The following THOC2 variants were observed in gnomAD, a reference collection of about 807,000 sequenced individuals.
THOC2 encodes THO complex 2.
Under a neutral mutation model 128.4 loss-of-function variants are expected in THOC2, and 10 were observed. The observed-to-expected ratio is 0.08, with a 90% CI of 0.05 to 0.13. The LOEUF (loss-of-function observed/expected upper bound fraction) is 0.13. Ranked by LOEUF, THOC2 falls within the 10% of genes least tolerant of loss-of-function variation. The pLI is 1.00. For synonymous variants in THOC2, 393 were observed against 396.9 expected, an observed-to-expected ratio of 0.99 and a Z score of 0.12; for missense variants, 535 against 1,155.7, an observed-to-expected ratio of 0.46 and a Z score of 7.79.
intron 12 of THOC2, among the ~76,000 whole-genome samples, chrX:123,658,872 G>C (rs1294402552): frequency 8.9e-6 from 1 of 111,927 alleles, no homozygotes; most frequent in Non-Finnish European, 1.9e-5. Flanking sequence ...ACTCTGGTGG[G>C]AGATGTTGAT....
intron 2 of THOC2, among the ~76,000 whole-genome samples, chrX:123,712,259 T>C (rs1018001452): frequency 2.7e-5 from 3 of 111,814 alleles, no homozygotes; most frequent in African/African-American, 9.7e-5. Flanking sequence ...CTTTGCCAAA[T>C]CCACATGTCT....
At chrX:123,680,827 T>C (rs1461594493) in intron 8 of THOC2, among the ~76,000 whole-genome samples, 1 of 111,974 alleles carries the variant, frequency 8.9e-6, no homozygotes, top group East Asian at 2.8e-4. Flanking sequence ...CTCTACTTTC[T>C]CACATCCTGT....
In THOC2 at chrX:123,621,252, T is replaced by C. The variant is rs1329820682; in HGVS notation, c.4121A>G (p.Lys1374Arg). The change falls in exon 31 of 39, where the codon AAA becomes AGA. Residue 1374 changes from lysine to arginine, a missense_variant. Lys to Arg is a conservative substitution (Grantham distance 26). This residue lies in a region of THOC2 where 116 missense variants were observed against 180.0 expected (regional missense o/e 0.64). Transcript: ENST00000245838. ...SRERDIAKEMKSKENVKGGEK... is the reference protein window; with the variant it reads ...SRERDIAKEMRSKENVKGGEK... ...TCCTCCTTTAACATTTTCCTTTGAT[T>C]TCATTTCCTTTGCTATATCTCTTTC... The C allele has an allele frequency of 8.3e-7, 1 of 1,209,425 alleles. No individual in the cohort carries two copies. The highest frequency in any genetic ancestry group is 1.1e-6 in the Non-Finnish European group (1 of 895,077).
intron 9 of THOC2, among the ~76,000 whole-genome samples, chrX:123,668,628 T>C (rs1014530239): frequency 1.3e-4 from 15 of 111,995 alleles, no homozygotes; most frequent in East Asian, 2.8e-4. Context: ...AGAAAATATA[T>C]AGCAGTTCCA....
intron 19 of THOC2, among the ~76,000 whole-genome samples, chrX:123,635,727 G>C (rs1334845792): frequency 9.0e-6 from 1 of 111,690 alleles, no homozygotes; most frequent in African/African-American, 3.3e-5. Context: ...ATGTGACACA[G>C]GTCAATTACT....
chrX:123,662,587 CAAAAAAAAAAA>C (rs777761030), intron 12 of THOC2, among the ~76,000 whole-genome samples: 2 of 47,460 alleles, frequency 4.2e-5, no homozygotes, highest in Non-Finnish European at 7.8e-5. Flanking sequence ...GACTCCGTCT[CAAAAAAAAAAA>C]AAAAAAAAAA....
chrX:123,663,352 T>C (rs985865656), intron 12 of THOC2, among the ~76,000 whole-genome samples: 1 of 111,433 alleles, frequency 9.0e-6, no homozygotes, highest in Non-Finnish European at 1.9e-5. Flanking sequence ...ATTTATTAAA[T>C]AAGATGTAGA....
At chrX:123,613,756 G>A (rs1475823694) in intron 34 of THOC2, 48 bp from the exon 35 acceptor site, 2 of 1,117,106 alleles carry the variant, frequency 1.8e-6, no homozygotes, top group Non-Finnish European at 2.5e-6. Context: ...TTCTGTTTTT[G>A]TTTTAAAGTA....
intron 1 of THOC2, among the ~76,000 whole-genome samples, chrX:123,721,195 CAG>C (rs1418923265): frequency 9.2e-6 from 1 of 109,032 alleles, no homozygotes; most frequent in Non-Finnish European, 1.9e-5. Context: ...TGTTTTGAGA[CAG>C]AGTCTTGCTC....
At position 123,638,463 on chromosome X, in the gene THOC2, A is replaced by G. The variant is rs957861225; in HGVS notation, c.1841-340T>C. Among the ~76,000 whole-genome samples the G allele has an allele frequency of 5.4e-5, 6 of 111,051 alleles. No individual in the cohort carries two copies. The South Asian group carries it at 2.3e-3, about 42-fold the overall frequency. On this transcript the variant is annotated intron_variant, in intron 17 of 38. Coordinates refer to ENST00000245838, the MANE Select transcript of THOC2 (RefSeq NM_001081550.2). ...CACTTGAGGTCAGGAATTCAAGATC[A>G]CCCTGGCCAACCTAGTGAAATCCCA...
At chrX:123,652,460 G>A (rs1473835816) in intron 12 of THOC2, among the ~76,000 whole-genome samples, 1 of 111,539 alleles carries the variant, frequency 9.0e-6, no homozygotes, top group African/African-American at 3.3e-5. Flanking sequence ...AGAAATAAAG[G>A]GTACTGAAAT....
chrX:123,720,212 G>A (rs922697722), intron 1 of THOC2, among the ~76,000 whole-genome samples: 1 of 110,497 alleles, frequency 9.1e-6, no homozygotes. Context: ...TTTGGAGGCC[G>A]AGGCATGAGA....
chrX:123,731,038 C>G (rs770301545), intron 1 of THOC2, among the ~76,000 whole-genome samples: 1 of 112,604 alleles, frequency 8.9e-6, no homozygotes, highest in South Asian at 3.7e-4. Context: ...AATAAATGAG[C>G]TGGCTTTGAA....
At chrX:123,620,517 C>T (rs57163608) in intron 32 of THOC2, 227 of 124,020 alleles carry the variant, frequency 1.8e-3, no homozygotes, top group African/African-American at 6.8e-3. Context: ...TATCTTGTGT[C>T]ATCCAGGAAG....
At chrX:123,677,871 CAAAAA>C (rs1179685021) in intron 8 of THOC2, among the ~76,000 whole-genome samples, 1 of 29,412 alleles carries the variant, frequency 3.4e-5, no homozygotes. Context: ...AACTCCGTCG[CAAAAA>C]AAAAAAAAAA....
chrX:123,610,398 A>G (rs1256425824), intron 38 of THOC2: 2 of 111,810 alleles, frequency 1.8e-5, no homozygotes, highest in Non-Finnish European at 3.8e-5. Flanking sequence ...TGGTAAAAAA[A>G]AAAAAAATGG....
intron 38 of THOC2, among the ~76,000 whole-genome samples, chrX:123,605,992 G>A (rs2046453798): frequency 9.0e-6 from 1 of 111,550 alleles, no homozygotes; most frequent in Non-Finnish European, 1.9e-5. Context: ...AAGTCTAGCT[G>A]AAATCAGGAC....
chrX:123,701,975 A>G (rs1362166508), intron 4 of THOC2, among the ~76,000 whole-genome samples: 1 of 112,180 alleles, frequency 8.9e-6, no homozygotes, highest in Non-Finnish European at 1.9e-5. Flanking sequence ...AACTTAGGAA[A>G]TCTGAAACTT....
At chrX:123,693,178 G>A (rs144674597) in intron 7 of THOC2, among the ~76,000 whole-genome samples, 146 of 112,480 alleles carry the variant, frequency 1.3e-3, no homozygotes, top group African/African-American at 4.6e-3. Context: ...TTTCATTCAG[G>A]CCGTGTCCGG....
Sources: allele counts gnomAD v4.1 joint callset (sites outside exome capture counted in the v4.1 genomes callset), GRCh38; gene constraint gnomAD v4.1.1; regional missense constraint gnomAD v4.1.1; transcripts MANE v1.5; gene names NCBI Gene and HGNC (gene_info 2026-07-23, HGNC 2026-07-21).